Variants in UNC5C observed in about 807,000 individuals in gnomAD.
UNC5C encodes netrin receptor UNC5C.
In UNC5C, 47 loss-of-function variants were observed where a neutral mutation model predicts 99.8. The observed-to-expected ratio is 0.47, with a 90% CI of 0.37 to 0.60. UNC5C has a LOEUF of 0.60. Among genes scored for constraint, UNC5C ranks in the 20% least tolerant of loss-of-function variants. The pLI, the probability that UNC5C is intolerant of heterozygous loss-of-function variation, is 0.00. For missense variants in UNC5C, 1,062 were observed against 1,165.9 expected, an observed-to-expected ratio of 0.91 and a Z score of 1.30; for synonymous variants, 487 against 452.2, an observed-to-expected ratio of 1.08 and a Z score of -0.98.
Position 95,219,241 on chromosome 4 carries a change from T to A in UNC5C, c.1373A>T (p.Asp458Val). The change falls in exon 9 of 16, where the codon GAC (aspartate) becomes GTC (valine). Residue 458 changes from aspartate to valine, a missense_variant. Asp to Val is a radical substitution (Grantham distance 152). Transcript: ENST00000453304. ...GGTCATTGGGATTTTGTCTGAGACG[T>A]CATGCAGGGCATAGACAGGTCCTCT... ...MYRGPVYALH[D>V]VSDKIPMTNS... 1 of 1,614,182 alleles carries A rather than the reference T, an allele frequency of 6.2e-7. No individual in the cohort carries two copies.
intron 1 of UNC5C, among the ~76,000 whole-genome samples, chr4:95,537,548 A>G (rs1722812683): frequency 6.6e-6 from 1 of 152,174 alleles, no homozygotes; most frequent in Non-Finnish European, 1.5e-5. Flanking sequence ...CGACTTACTA[A>G]TGAACTTTGG....
At chr4:95,305,905 A>G (rs1319353519) in intron 2 of UNC5C, among the ~76,000 whole-genome samples, 1 of 152,228 alleles carries the variant, frequency 6.6e-6, no homozygotes, top group Admixed American at 6.5e-5. Flanking sequence ...CCTGATAATG[A>G]CATGACATTT....
chr4:95,239,320 G>A (rs1243551877), intron 7 of UNC5C, among the ~76,000 whole-genome samples: 1 of 152,176 alleles, frequency 6.6e-6, no homozygotes, highest in Non-Finnish European at 1.5e-5. Context: ...TTATTTAAAT[G>A]AAGTCTTCAT....
At chr4:95,303,384 T>C (rs1579309672) in intron 2 of UNC5C, among the ~76,000 whole-genome samples, 1 of 152,146 alleles carries the variant, frequency 6.6e-6, no homozygotes, top group East Asian at 1.9e-4. Context: ...TGTTTATAAT[T>C]CTCAGTTTCC....
chr4:95,301,079 A>G (rs1741854480), intron 3 of UNC5C, among the ~76,000 whole-genome samples: 1 of 152,178 alleles, frequency 6.6e-6, no homozygotes, highest in African/African-American at 2.4e-5. Flanking sequence ...TACACCTACT[A>G]TGTACCCACA....
At chr4:95,404,370 T>C (rs1745778071) in intron 1 of UNC5C, among the ~76,000 whole-genome samples, 1 of 152,032 alleles carries the variant, frequency 6.6e-6, no homozygotes, top group African/African-American at 2.4e-5. Flanking sequence ...AGCACCCAGG[T>C]ATCGCTCTCC....
intron 1 of UNC5C, among the ~76,000 whole-genome samples, chr4:95,539,412 A>AT (rs1302276281): frequency 6.6e-6 from 1 of 152,218 alleles, no homozygotes; most frequent in Non-Finnish European, 1.5e-5. Context: ...AACTGGGGAA[A>AT]TGACTTCGCA....
At chr4:95,278,988 G>A (rs777928181) in intron 3 of UNC5C, among the ~76,000 whole-genome samples, 11 of 152,112 alleles carry the variant, frequency 7.2e-5, no homozygotes, top group Non-Finnish European at 1.0e-4. Flanking sequence ...GATGATCACA[G>A]TTTTAAATCA....
intron 2 of UNC5C, among the ~76,000 whole-genome samples, chr4:95,311,774 T>C (rs1579315914): frequency 6.6e-6 from 1 of 152,210 alleles, no homozygotes; most frequent in Middle Eastern, 3.2e-3. Flanking sequence ...CTTGGCACAC[T>C]GGTTCATGCC....
intron 4 of UNC5C, among the ~76,000 whole-genome samples, chr4:95,256,015 C>T (rs1042267988): frequency 6.6e-6 from 1 of 152,082 alleles, no homozygotes; most frequent in African/African-American, 2.4e-5. Context: ...CACAGCAGCA[C>T]GTGATCCGGT....
chr4:95,196,820 T>C (rs1737429286), intron 12 of UNC5C, among the ~76,000 whole-genome samples: 1 of 654 alleles, frequency 1.5e-3, no homozygotes, highest in African/African-American at 4.6e-3. Context: ...ATAATATATA[T>C]TTATATATTA....
chr4:95,372,582 A>G (rs892617718), intron 1 of UNC5C, among the ~76,000 whole-genome samples: 2 of 152,182 alleles, frequency 1.3e-5, no homozygotes, highest in Admixed American at 6.5e-5. Flanking sequence ...AAAACATTTT[A>G]TGGGATTTAA....
chr4:95,286,280 C>A lies in UNC5C; in HGVS notation c.491-7918G>T, dbSNP rs546719071. On this transcript the variant is annotated intron_variant, in intron 3 of 15. Coordinates refer to ENST00000453304, the MANE Select transcript of UNC5C (RefSeq NM_003728.4). ...TCATAAAGAGATATGCAGGTATTAC[C>A]CTGCTGTGCTTGATTAAACTGCAGA... Among the ~76,000 whole-genome samples, 3 of 152,228 alleles carry A rather than the reference C, an allele frequency of 2.0e-5. No individual in the cohort carries two copies. The East Asian group carries it at 5.8e-4, about 29-fold the overall frequency.
chr4:95,299,012 T>C (rs1418235292), intron 3 of UNC5C, among the ~76,000 whole-genome samples: 1 of 152,192 alleles, frequency 6.6e-6, no homozygotes. Context: ...AGGTTGGATA[T>C]GTAAACCACA....
At chr4:95,541,736 C>T (rs1182513416) in intron 1 of UNC5C, among the ~76,000 whole-genome samples, 1 of 151,852 alleles carries the variant, frequency 6.6e-6, no homozygotes, top group East Asian at 1.9e-4. Context: ...TACAACTGGA[C>T]TGTAGATGCA....
chr4:95,187,560 G>A (rs903893373), intron 12 of UNC5C, among the ~76,000 whole-genome samples: 1 of 151,972 alleles, frequency 6.6e-6, no homozygotes, highest in African/African-American at 2.4e-5. Flanking sequence ...TGACCTTGAA[G>A]TCAGGAAATC....
intron 12 of UNC5C, among the ~76,000 whole-genome samples, chr4:95,188,358 A>G (rs531451870): frequency 6.6e-6 from 1 of 152,340 alleles, no homozygotes; most frequent in East Asian, 1.9e-4. Flanking sequence ...GACAAAAACC[A>G]TGGTGTGAGT....
intron 1 of UNC5C, among the ~76,000 whole-genome samples, chr4:95,421,619 TACACACACACAC>T (rs3069166): frequency 6.7e-6 from 1 of 149,542 alleles, no homozygotes; most frequent in Non-Finnish European, 1.5e-5. Context: ...CACTCTCTTT[TACACACACACAC>T]ACACACACAC....
intron 2 of UNC5C, among the ~76,000 whole-genome samples, chr4:95,333,593 G>T (rs149768127): frequency 0.035 from 5,187 of 150,114 alleles, 281 homozygotes; most frequent in African/African-American, 0.12. Flanking sequence ...AGGGGCGAGG[G>T]ATAGCATTAG....
Sources: gnomAD v4.1 joint callset for allele counts (sites outside exome capture counted in the v4.1 genomes callset) on GRCh38, gnomAD v4.1.1 for gene constraint, MANE v1.5 for transcripts, NCBI Gene and HGNC (gene_info 2026-07-23, HGNC 2026-07-21) for gene names.